Variants in RTN1 observed in about 807,000 individuals in gnomAD.
The protein encoded by RTN1 is reticulon-1.
In RTN1, 25 loss-of-function variants were observed where a neutral mutation model predicts 65.5. That is an observed-to-expected ratio of 0.38 (90% CI 0.28 to 0.53). The LOEUF (loss-of-function observed/expected upper bound fraction) is 0.53, where lower values mean the gene tolerates loss of function less well. RTN1 is among the 20% of genes least tolerant of loss of function. The pLI is 0.79. For synonymous variants in RTN1, 471 were observed against 447.6 expected, an observed-to-expected ratio of 1.05 and a Z score of -0.66; for missense variants, 983 against 1,025.4, an observed-to-expected ratio of 0.96 and a Z score of 0.57.
intron 1 of RTN1, among the ~76,000 whole-genome samples, chr14:59,864,708 T>C (rs1375321658): frequency 6.6e-6 from 1 of 152,202 alleles, no homozygotes; most frequent in Admixed American, 6.5e-5. Context: ...ATTACAATGG[T>C]TACCTCTGGA....
At chr14:59,695,296 A>T (rs537059629) in intron 3 of RTN1, among the ~76,000 whole-genome samples, 1 of 152,172 alleles carries the variant, frequency 6.6e-6, no homozygotes, top group Non-Finnish European at 1.5e-5. Flanking sequence ...GAGGATGTGA[A>T]CAAACAACTA....
chr14:59,618,158 C>A (rs1882157131), intron 3 of RTN1, among the ~76,000 whole-genome samples: 1 of 152,204 alleles, frequency 6.6e-6, no homozygotes, highest in Admixed American at 6.5e-5. Flanking sequence ...ACAGTAACAG[C>A]CCTTTCCCAA....
At chr14:59,753,571 C>T (rs1033517733) in intron 1 of RTN1, among the ~76,000 whole-genome samples, 6 of 152,148 alleles carry the variant, frequency 3.9e-5, no homozygotes, top group Admixed American at 2.6e-4. Context: ...AATATACATG[C>T]ATGATATGGT....
chr14:59,811,732 C>A (rs1566734942), intron 1 of RTN1, among the ~76,000 whole-genome samples: 1 of 152,198 alleles, frequency 6.6e-6, no homozygotes, highest in Non-Finnish European at 1.5e-5. Context: ...AGTTAAGAGA[C>A]AACACTGGAG....
chr14:59,750,273 TA>T lies in RTN1; in HGVS notation c.242-3793del, dbSNP rs1185563372. On this transcript the variant is annotated intron_variant, in intron 1 of 8. Coordinates refer to ENST00000267484, the MANE Select transcript of RTN1 (RefSeq NM_021136.3). The stretch of plus-strand genomic sequence containing the variant: ...TAATATATAATATATATAATATCTA[TA>T]ATATATAATATATATAATATCTATA... 2.8e-4 allele frequency among the ~76,000 whole-genome samples: 20 copies of T among 72,060 alleles called. 1 individual carries two copies. The highest frequency in any genetic ancestry group is 1.2e-3 in the African/African-American group (20 of 16,826). 47.3% of individuals were successfully genotyped at this position (72,060 alleles called of 152,430 possible). A position where few individuals can be genotyped will look rare whatever the true frequency, so the allele number is the denominator to read the frequency against.
rs575476346 is a variant in RTN1, at chr14:59,768,904, G to A, written c.242-22423C>T. On this transcript the variant is annotated intron_variant, in intron 1 of 8. Transcript: ENST00000267484. ...TTGTAGTTGAGGAAATTGAGAATTA[G>A]AGAAAAGTCAGAGACTTGAACAAGG... Among the ~76,000 whole-genome samples, 117 of 152,234 alleles carry A rather than the reference G, an allele frequency of 7.7e-4. 1 individual carries two copies. Among genetic ancestry groups the A allele is most frequent in the African/African-American group, 2.8e-3 (115 of 41,538 alleles).
chr14:59,619,930 C>T (rs1882209979), intron 3 of RTN1, among the ~76,000 whole-genome samples: 1 of 151,884 alleles, frequency 6.6e-6, no homozygotes, highest in Non-Finnish European at 1.5e-5. Context: ...GGACGGAAGC[C>T]TTATCGTAAG....
intron 3 of RTN1, among the ~76,000 whole-genome samples, chr14:59,636,637 C>A (rs1327591075): frequency 2.0e-5 from 3 of 152,036 alleles, no homozygotes; most frequent in Non-Finnish European, 2.9e-5. Flanking sequence ...TTTGAAGATT[C>A]TTTAAAAATT....
At chr14:59,789,086 A>G (rs1218819385) in intron 1 of RTN1, among the ~76,000 whole-genome samples, 1 of 152,006 alleles carries the variant, frequency 6.6e-6, no homozygotes, top group Non-Finnish European at 1.5e-5. Context: ...CATTAAAAGT[A>G]TGTTCTTCCT....
At chr14:59,743,865 T>C (rs1885162304) in intron 2 of RTN1, among the ~76,000 whole-genome samples, 1 of 152,236 alleles carries the variant, frequency 6.6e-6, no homozygotes, top group Non-Finnish European at 1.5e-5. Context: ...TCCTTGGTCG[T>C]CTGGTCCCCT....
At chr14:59,747,096 T>G (rs2139510834) in intron 1 of RTN1, among the ~76,000 whole-genome samples, 1 of 152,330 alleles carries the variant, frequency 6.6e-6, no homozygotes, top group South Asian at 2.1e-4. Flanking sequence ...TGTGCTTCCC[T>G]GTTTATTTCA....
intron 1 of RTN1, among the ~76,000 whole-genome samples, chr14:59,798,624 C>T (rs1211421459): frequency 6.6e-6 from 1 of 152,168 alleles, no homozygotes; most frequent in East Asian, 1.9e-4. Flanking sequence ...CATCCTCTTA[C>T]CTGACTCTGA....
intron 2 of RTN1, among the ~76,000 whole-genome samples, chr14:59,728,370 TAG>T (rs1884828386): frequency 6.6e-6 from 1 of 150,594 alleles, no homozygotes; most frequent in Non-Finnish European, 1.5e-5. Flanking sequence ...AGGCTTTCCA[TAG>T]TGGCAGCCCA....
chr14:59,725,012 GAA>G (rs1723529794), intron 3 of RTN1, among the ~76,000 whole-genome samples: 1 of 152,104 alleles, frequency 6.6e-6, no homozygotes, highest in African/African-American at 2.4e-5. Flanking sequence ...CTCATCTTTT[GAA>G]AAGACTGCCA....
intron 1 of RTN1, among the ~76,000 whole-genome samples, chr14:59,867,471 G>A (rs1032640810): frequency 6.6e-6 from 1 of 152,162 alleles, no homozygotes; most frequent in Admixed American, 6.5e-5. Context: ...ATTTTGATGA[G>A]ACTATTTCCA....
At position 59,722,720 on chromosome 14, in the gene RTN1, TA is replaced by T. The variant is rs199649677; in HGVS notation, c.1765+4198del. Among the ~76,000 whole-genome samples, 159 of 135,870 alleles carry T rather than the reference TA, an allele frequency of 1.2e-3. 2 individuals are homozygous for T. Among genetic ancestry groups the T allele is most frequent in the African/African-American group, 3.6e-3 (135 of 37,020 alleles). The allele number at this position is 135,870 out of a possible 152,430, so 89.1% of individuals were successfully genotyped here. The stretch of plus-strand genomic sequence containing the variant: ...AATTCTTGAAGAACAAGAACAACAA[TA>T]AAAAAAAAACAATACAAAGGCCTGT... On this transcript the variant is annotated intron_variant, in intron 3 of 8. Coordinates refer to ENST00000267484, the MANE Select transcript of RTN1 (RefSeq NM_021136.3).
In RTN1 at chr14:59,778,158, TG is replaced by T. The variant is rs1156499259; in HGVS notation, c.242-31678del. Among the ~76,000 whole-genome samples the T allele has an allele frequency of 2.0e-5, 3 of 152,312 alleles. No homozygotes were observed. In the South Asian group the frequency reaches 6.2e-4, roughly 32 times the overall value. ...TGAAGGAAGGCTTCCTTGACTTCTT[TG>T]ACCAGGTCATTACCTCTATCATGGC... On this transcript the variant is annotated intron_variant, in intron 1 of 8. Transcript: ENST00000267484.
At chr14:59,731,512 T>TA (rs986077563) in intron 2 of RTN1, among the ~76,000 whole-genome samples, 44 of 151,616 alleles carry the variant, frequency 2.9e-4, no homozygotes, top group African/African-American at 4.8e-4. Flanking sequence ...TAAAGCTGTT[T>TA]AAAAAAAAAT....
intron 1 of RTN1, among the ~76,000 whole-genome samples, chr14:59,795,182 T>C (rs1886417566): frequency 6.6e-6 from 1 of 152,182 alleles, no homozygotes; most frequent in Non-Finnish European, 1.5e-5. Context: ...CTAATTTTAA[T>C]CTTTGATAGG....
Sources: gnomAD v4.1 joint callset for allele counts (sites outside exome capture counted in the v4.1 genomes callset) on GRCh38, gnomAD v4.1.1 for gene constraint, MANE v1.5 for transcripts, NCBI Gene and HGNC (gene_info 2026-07-23, HGNC 2026-07-21) for gene names.